Variants in CTNNBL1 observed in about 807,000 individuals in gnomAD.
The protein encoded by CTNNBL1 is beta-catenin-like protein 1.
A neutral mutation model predicts 72.7 loss-of-function variants in CTNNBL1; 31 were observed. That is an observed-to-expected ratio of 0.43 (90% CI 0.32 to 0.58). CTNNBL1 has a LOEUF of 0.58. Among genes scored for constraint, CTNNBL1 ranks in the 20% least tolerant of loss-of-function variants. CTNNBL1 has a pLI of 0.08. For missense variants in CTNNBL1, 534 were observed against 725.1 expected, an observed-to-expected ratio of 0.74 and a Z score of 3.03; for synonymous variants, 240 against 267.3, an observed-to-expected ratio of 0.90 and a Z score of 1.00.
chr20:37,848,042 T>A (rs1200479899), intron 13 of CTNNBL1, among the ~76,000 whole-genome samples: 1 of 151,830 alleles, frequency 6.6e-6, no homozygotes, highest in African/African-American at 2.4e-5. Flanking sequence ...AGTGAAACTG[T>A]GCGGCTGCCA....
intron 10 of CTNNBL1, among the ~76,000 whole-genome samples, chr20:37,795,315 A>C (rs1421326674): frequency 6.6e-6 from 1 of 152,036 alleles, no homozygotes; most frequent in Admixed American, 6.6e-5. Context: ...TGCCCAGCTA[A>C]TTTAAAAAAA....
chr20:37,814,514 G>A lies in CTNNBL1; in HGVS notation c.1213+11466G>A, dbSNP rs183421725. On this transcript the variant is annotated intron_variant, in intron 11 of 15. Transcript: ENST00000361383. ...CTACATGGTTACCTTGCAAAGTTACGTGCCTTTAGGTAAACACTTCCCTTA... is the reference window on the plus strand; with the variant it reads ...CTACATGGTTACCTTGCAAAGTTACATGCCTTTAGGTAAACACTTCCCTTA... Among the ~76,000 whole-genome samples the A allele has an allele frequency of 5.3e-5, 8 of 152,168 alleles. No homozygotes were observed. In the East Asian group the frequency reaches 1.2e-3, roughly 22 times the overall value.
chr20:37,757,285 G>A (rs936449961), intron 4 of CTNNBL1, among the ~76,000 whole-genome samples: 11 of 152,202 alleles, frequency 7.2e-5, no homozygotes, highest in African/African-American at 2.2e-4. Context: ...CTTCCCAGGC[G>A]ATCTATTTAA....
In CTNNBL1 at chr20:37,871,961, A is replaced by G. The variant is rs754842251; in HGVS notation, c.1640A>G (p.Glu547Gly). ...AACATCGGGGACGGCCGGAGCCCGG[A>G]GTTCCGGGAGAACGAGCAAAAGCGC... ...AENIGDGRSPEFRENEQKRIL... is the reference protein window; with the variant it reads ...AENIGDGRSPGFRENEQKRIL... Residue 547 changes from glutamate (E) to glycine (G), a missense_variant, in exon 16 of 16, where the codon GAG becomes GGG. By Grantham distance (98) the Glu-to-Gly change is moderately conservative. Coordinates refer to ENST00000361383, the MANE Select transcript of CTNNBL1 (RefSeq NM_030877.5). The G allele has an allele frequency of 7.4e-6, 12 of 1,613,994 alleles. No homozygotes were observed. The highest frequency in any genetic ancestry group is 6.8e-6 in the Non-Finnish European group (8 of 1,180,018).
intron 5 of CTNNBL1, among the ~76,000 whole-genome samples, chr20:37,759,207 G>A (rs974034485): frequency 3.3e-5 from 5 of 152,336 alleles, no homozygotes; most frequent in African/African-American, 1.2e-4. Flanking sequence ...GAAAGAAGAG[G>A]ATGATGTTGG....
rs1367880504 is a variant in CTNNBL1 at position 37,731,601 on chromosome 20, C to T, written c.31-1278C>T. 2.6e-5 allele frequency among the ~76,000 whole-genome samples: 4 copies of T among 152,276 alleles called. 1 individual carries two copies. On this transcript the variant is annotated intron_variant, in intron 1 of 15. Coordinates refer to ENST00000361383, the MANE Select transcript of CTNNBL1 (RefSeq NM_030877.5). The stretch of plus-strand genomic sequence containing the variant: ...TCCCTTCCTCCCCAGCCTCTGGTGA[C>T]GATCATTCTACTCTCTACTTCTATG...
intron 11 of CTNNBL1, 148 bp downstream of exon 11, chr20:37,803,196 A>G: frequency 4.3e-6 from 3 of 700,790 alleles, no homozygotes; most frequent in Non-Finnish European, 6.9e-6. Flanking sequence ...TTCATGAATG[A>G]AAAAGAGACC....
chr20:37,735,500 T>C (rs143337380), intron 2 of CTNNBL1, among the ~76,000 whole-genome samples: 1 of 152,340 alleles, frequency 6.6e-6, no homozygotes, highest in East Asian at 1.9e-4. Flanking sequence ...TTGAGAAATA[T>C]ATTCAGCAAA....
chr20:37,807,031 C>CT (rs2071966017), intron 11 of CTNNBL1, among the ~76,000 whole-genome samples: 1 of 152,160 alleles, frequency 6.6e-6, no homozygotes, highest in African/African-American at 2.4e-5. Context: ...TGGTTTGCCT[C>CT]TTTAAGTCCA....
At chr20:37,837,167 G>T (rs1008774313) in intron 11 of CTNNBL1, among the ~76,000 whole-genome samples, 1 of 152,114 alleles carries the variant, frequency 6.6e-6, no homozygotes, top group African/African-American at 2.4e-5. Flanking sequence ...TCCCTGAAGT[G>T]CATCTTCACA....
chr20:37,773,058 C>T (rs1410103871), intron 7 of CTNNBL1, among the ~76,000 whole-genome samples: 2 of 152,176 alleles, frequency 1.3e-5, no homozygotes, highest in African/African-American at 2.4e-5. Flanking sequence ...TAAGATATTA[C>T]GTACTATTGA....
At chr20:37,757,005 C>T (rs979250838) in intron 4 of CTNNBL1, 1 of 152,242 alleles carries the variant, frequency 6.6e-6, no homozygotes, top group Non-Finnish European at 1.5e-5. Context: ...CTGTATTCTT[C>T]CTTTTATATT....
intron 1 of CTNNBL1, among the ~76,000 whole-genome samples, chr20:37,712,200 C>T (rs1183993730): frequency 1.3e-5 from 2 of 152,192 alleles, no homozygotes; most frequent in African/African-American, 2.4e-5. Context: ...CAAGAAGCAG[C>T]GCTCTCCTTG....
intron 5 of CTNNBL1, 65 bp from the exon 6 acceptor site, chr20:37,765,132 A>G: frequency 2.8e-6 from 3 of 1,065,466 alleles, no homozygotes; most frequent in Non-Finnish European, 4.3e-6. Flanking sequence ...TAAGTATGGG[A>G]ACGGGAACAT....
At chr20:37,713,505 A>G (rs192874203) in intron 1 of CTNNBL1, among the ~76,000 whole-genome samples, 49 of 152,332 alleles carry the variant, frequency 3.2e-4, no homozygotes, top group African/African-American at 1.2e-3. Flanking sequence ...TGTGAGGCAG[A>G]GGCACCTCTG....
chr20:37,818,350 G>A (rs2072077442), intron 11 of CTNNBL1, among the ~76,000 whole-genome samples: 3 of 152,194 alleles, frequency 2.0e-5, no homozygotes, highest in Admixed American at 6.6e-5. Flanking sequence ...TCAACTTTGG[G>A]AGATCCTCCA....
intron 11 of CTNNBL1, among the ~76,000 whole-genome samples, chr20:37,839,487 AGAG>A (rs2072283206): frequency 6.6e-6 from 1 of 152,166 alleles, no homozygotes; most frequent in African/African-American, 2.4e-5. Flanking sequence ...TCTTCTTCCA[AGAG>A]TAGAAGAATA....
chr20:37,719,785 A>G (rs1439435973), intron 1 of CTNNBL1, among the ~76,000 whole-genome samples: 3 of 150,616 alleles, frequency 2.0e-5, no homozygotes, highest in Admixed American at 2.0e-4. Flanking sequence ...TTCATCCTGC[A>G]TTTGTTCATG....
At chr20:37,840,335 G>T (rs987359993) in intron 12 of CTNNBL1, 136 bp downstream of exon 12, 5 of 646,766 alleles carry the variant, frequency 7.7e-6, no homozygotes, top group Non-Finnish European at 1.4e-5. Flanking sequence ...CTGTTGCTTT[G>T]CGTGTCAAAG....
Sources: gnomAD v4.1 joint callset for allele counts (sites outside exome capture counted in the v4.1 genomes callset) on GRCh38, gnomAD v4.1.1 for gene constraint, MANE v1.5 for transcripts, NCBI Gene and HGNC (gene_info 2026-07-23, HGNC 2026-07-21) for gene names.